Variants in FOXN3 observed in about 807,000 individuals in gnomAD.
The protein encoded by FOXN3 is forkhead box N3.
Under a neutral mutation model 38.4 loss-of-function variants are expected in FOXN3, and 7 were observed. That is an observed-to-expected ratio of 0.18 (90% CI 0.10 to 0.34). FOXN3 has a LOEUF of 0.34. Among genes scored for constraint, FOXN3 ranks in the 10% least tolerant of loss-of-function variants. The pLI is 1.00. For synonymous variants in FOXN3, 230 were observed against 242.2 expected (o/e 0.95, Z 0.47); for missense variants, 456 against 613.4 (o/e 0.74, Z 2.71).
At chr14:89,286,370 A>T (rs2139925929) in intron 3 of FOXN3, among the ~76,000 whole-genome samples, 1 of 152,268 alleles carries the variant, frequency 6.6e-6, no homozygotes, top group South Asian at 2.1e-4. Flanking sequence ...CAAAGCAGAA[A>T]GCCCAAACCA....
Position 89,190,405 on chromosome 14 carries a change from G to T in FOXN3, c.746-9599C>A, listed in dbSNP as rs1171550347. The T allele has an allele frequency of 6.2e-7, 1 of 1,613,644 alleles. No individual in the cohort carries two copies. Among genetic ancestry groups the T allele is most frequent in the Admixed American group, 1.7e-5 (1 of 59,990 alleles). On this transcript the variant is annotated intron_variant, in intron 4 of 5. Transcript: ENST00000557258. The stretch of plus-strand genomic sequence containing the variant: ...TCACAACCTGCTTGTATCTCAGGGG[G>T]AGTATTCAAAAGCATCATGGCACTG...
intron 4 of FOXN3, among the ~76,000 whole-genome samples, chr14:89,270,678 T>C (rs1174461025): frequency 6.6e-6 from 1 of 152,192 alleles, no homozygotes; most frequent in Admixed American, 6.5e-5. Flanking sequence ...AGTGTGGCAA[T>C]GGCACCTGCT....
chr14:89,467,377 T>C (rs539663453), intron 1 of FOXN3, among the ~76,000 whole-genome samples: 1 of 152,318 alleles, frequency 6.6e-6, no homozygotes, highest in East Asian at 1.9e-4. Context: ...AAATTTCTAA[T>C]CTGGAAGGGG....
At chr14:89,542,005 G>C (rs79481192) in intron 1 of FOXN3, among the ~76,000 whole-genome samples, 1 of 152,030 alleles carries the variant, frequency 6.6e-6, no homozygotes, top group Admixed American at 6.6e-5. Context: ...TGGATCTCGC[G>C]TAAGAAAGAA....
rs1396232481 is a variant in FOXN3, at chr14:89,362,777, CCACCACCACCACCAT to C, written c.544-11984_544-11970del. ...ACCACCACCACCACCACCACCACCACCACCACCACCACCATCTCCACCACCACCTCCACCACCACC... is the reference window on the plus strand; with the variant it reads ...ACCACCACCACCACCACCACCACCACCTCCACCACCACCTCCACCACCACC... On this transcript the variant is annotated intron_variant, in intron 2 of 5. Transcript: ENST00000557258. Among the ~76,000 whole-genome samples, 2 of 126,832 alleles carry C rather than the reference CCACCACCACCACCAT, an allele frequency of 1.6e-5. 1 individual carries two copies. Among genetic ancestry groups the C allele is most frequent in the Non-Finnish European group, 3.4e-5 (2 of 58,988 alleles). 83.2% of individuals were successfully genotyped at this position (126,832 alleles called of 152,430 possible).
chr14:89,438,923 G>A (rs1011826036), intron 1 of FOXN3, among the ~76,000 whole-genome samples: 3 of 152,134 alleles, frequency 2.0e-5, no homozygotes, highest in Admixed American at 6.6e-5. Context: ...ACCACGCCCA[G>A]CTAATTTCGT....
At chr14:89,586,120 T>TGAGAG in intron 1 of FOXN3, among the ~76,000 whole-genome samples, 1 of 152,100 alleles carries the variant, frequency 6.6e-6, no homozygotes, top group African/African-American at 2.4e-5. Flanking sequence ...CGATTCAGCT[T>TGAGAG]GGTATCTTCC....
In FOXN3 at chr14:89,267,028, C is replaced by G. The variant is rs531170734; in HGVS notation, c.745+13922G>C. Among the ~76,000 whole-genome samples the G allele has an allele frequency of 2.0e-5, 3 of 152,174 alleles. No homozygotes were observed. The South Asian group carries it at 6.2e-4, about 32-fold the overall frequency. ...AGGGGAAAAGTGATGAAGCAGGATG[C>G]GGGGAGAAAACATCACCATCTCCCT... On this transcript the variant is annotated intron_variant, in intron 4 of 5. Transcript: ENST00000557258.
At chr14:89,617,408 A>T (rs1896514338) in intron 1 of FOXN3, among the ~76,000 whole-genome samples, 1 of 152,248 alleles carries the variant, frequency 6.6e-6, no homozygotes, top group African/African-American at 2.4e-5. Context: ...AATAGTGTGC[A>T]GGCTGATTTT....
At chr14:89,377,312 A>AAAAC (rs142467882) in intron 2 of FOXN3, among the ~76,000 whole-genome samples, 1 of 149,644 alleles carries the variant, frequency 6.7e-6, no homozygotes, top group Non-Finnish European at 1.5e-5. Context: ...ATGCTGGTAA[A>AAAAC]AAATAAATAA....
intron 1 of FOXN3, among the ~76,000 whole-genome samples, chr14:89,456,224 A>G (rs1892722499): frequency 6.6e-6 from 1 of 151,702 alleles, no homozygotes. Flanking sequence ...ACTAACCACA[A>G]AAGAGCCCGT....
chr14:89,556,775 T>A (rs2139872462), intron 1 of FOXN3, among the ~76,000 whole-genome samples: 1 of 152,274 alleles, frequency 6.6e-6, no homozygotes, highest in South Asian at 2.1e-4. Flanking sequence ...CTCTGGCCTA[T>A]CCCTGGAAAT....
chr14:89,170,032 G>A (rs2056693024), intron 5 of FOXN3, among the ~76,000 whole-genome samples: 1 of 152,138 alleles, frequency 6.6e-6, no homozygotes, highest in Non-Finnish European at 1.5e-5. Context: ...CAGGTTAAAA[G>A]TAAGACTGGA....
intron 1 of FOXN3, among the ~76,000 whole-genome samples, chr14:89,594,153 T>C (rs1896010368): frequency 6.6e-6 from 1 of 152,226 alleles, no homozygotes; most frequent in Admixed American, 6.5e-5. Context: ...CTTTTATCAA[T>C]AATGCTGCTA....
chr14:89,524,371 CAAAAAAAAAAA>C (rs1301922423), intron 1 of FOXN3, among the ~76,000 whole-genome samples: 1 of 6,578 alleles, frequency 1.5e-4, no homozygotes, highest in Non-Finnish European at 3.6e-4. Flanking sequence ...GACTCCATCT[CAAAAAAAAAAA>C]AAAAAAAAAA....
intron 3 of FOXN3, among the ~76,000 whole-genome samples, chr14:89,323,502 C>T (rs1887954499): frequency 3.3e-5 from 5 of 151,858 alleles, no homozygotes; most frequent in South Asian, 2.1e-4. Context: ...GGGTGGATCA[C>T]GAGGTCAGGA....
At chr14:89,428,758 G>A (rs1892096822) in intron 1 of FOXN3, among the ~76,000 whole-genome samples, 1 of 152,238 alleles carries the variant, frequency 6.6e-6, no homozygotes, top group Admixed American at 6.5e-5. Context: ...TCAGCGCAGG[G>A]GTCCAAGCAC....
At chr14:89,349,824 A>C (rs921124684) in intron 3 of FOXN3, 1 of 148,668 alleles carries the variant, frequency 6.7e-6, no homozygotes, top group Non-Finnish European at 1.5e-5. Flanking sequence ...AAATTCCTGA[A>C]GTCTATGACA....
At chr14:89,256,651 C>T (rs1885630511) in intron 4 of FOXN3, among the ~76,000 whole-genome samples, 1 of 152,156 alleles carries the variant, frequency 6.6e-6, no homozygotes, top group Admixed American at 6.6e-5. Flanking sequence ...TGACTCTTCC[C>T]AAGACACTGG....
Sources: gnomAD v4.1 joint callset for allele counts (sites outside exome capture counted in the v4.1 genomes callset) on GRCh38, gnomAD v4.1.1 for gene constraint, MANE v1.5 for transcripts, NCBI Gene and HGNC (gene_info 2026-07-23, HGNC 2026-07-21) for gene names.